The following SEMA5A variants were observed in gnomAD, a reference collection of about 807,000 sequenced individuals.
SEMA5A encodes semaphorin-5A.
Under a neutral mutation model 135.5 loss-of-function variants are expected in SEMA5A, and 55 were observed. The ratio of observed to expected loss-of-function variants is 0.41; its 90% confidence interval spans 0.33 to 0.51. The LOEUF (loss-of-function observed/expected upper bound fraction) is 0.51. SEMA5A is among the 20% of genes least tolerant of loss of function. SEMA5A has a pLI of 0.37. For missense variants in SEMA5A, 1,290 were observed against 1,419.9 expected (o/e 0.91, Z 1.47); for synonymous variants, 580 against 546.5 (o/e 1.06, Z -0.85).
In SEMA5A at chr5:9,051,979, G is replaced by T; in HGVS notation, c.2739C>A (p.Val913=). The T allele has an allele frequency of 6.2e-7, 1 of 1,613,742 alleles. No individual in the cohort carries two copies. The highest frequency in any genetic ancestry group is 2.2e-5 in the East Asian group (1 of 44,860). ...GGATGCACTGGCGGGCGCGGACTTGGACGCCAGAGGCTTCACACTCAGACC... is the reference window on the plus strand; with the variant it reads ...GGATGCACTGGCGGGCGCGGACTTGTACGCCAGAGGCTTCACACTCAGACC... ...SDWSECEASG[V]QVRARQCILL... is the part of the protein sequence containing the mutation. The change falls in exon 20 of 23, where the codon GTC becomes GTA. Residue 913 remains valine, a synonymous_variant. Coordinates refer to ENST00000382496, the MANE Select transcript of SEMA5A (RefSeq NM_003966.3).
intron 13 of SEMA5A, 57 bp downstream of exon 13, chr5:9,136,447 G>T (rs1382200813): frequency 1.4e-6 from 2 of 1,400,432 alleles, no homozygotes; most frequent in East Asian, 4.6e-5. Context: ...AGGATCGCCA[G>T]GGGAGCATGG....
At chr5:9,497,555 T>C (rs746432693) in intron 1 of SEMA5A, among the ~76,000 whole-genome samples, 54 of 152,184 alleles carry the variant, frequency 3.5e-4, no homozygotes, top group Non-Finnish European at 6.9e-4. Context: ...AGGCACTTGA[T>C]AAAGACTGTG....
intron 1 of SEMA5A, among the ~76,000 whole-genome samples, chr5:9,463,066 AAAAAG>A (rs962567376): frequency 6.6e-6 from 1 of 152,310 alleles, no homozygotes; most frequent in African/African-American, 2.4e-5. Flanking sequence ...TAAAAAAAGA[AAAAAG>A]AAAAGAACAA....
At chr5:9,222,168 G>A (rs1170128292) in intron 8 of SEMA5A, among the ~76,000 whole-genome samples, 1 of 152,200 alleles carries the variant, frequency 6.6e-6, no homozygotes, top group Non-Finnish European at 1.5e-5. Flanking sequence ...GGGATGCAAA[G>A]CCTGTGTCCC....
At chr5:9,484,477 G>C (rs1238563722) in intron 1 of SEMA5A, among the ~76,000 whole-genome samples, 1 of 152,104 alleles carries the variant, frequency 6.6e-6, no homozygotes, top group Non-Finnish European at 1.5e-5. Flanking sequence ...GACACTAAAT[G>C]GAAACACTAG....
Position 9,035,294 on chromosome 5 carries a change from C to T in SEMA5A, c.*7603G>A, listed in dbSNP as rs1430882467. ...GATGAATAGGGTTGAGATACAGAAA[C>T]TGTCAATGCACCAAGAGCAGTAAGA... On this transcript the variant is annotated 3_prime_UTR_variant, in exon 23 of 23. Transcript: ENST00000382496. The T allele has an allele frequency of 6.6e-6, 1 of 152,200 alleles. No homozygotes were observed. The highest frequency in any genetic ancestry group is 1.5e-5 in the Non-Finnish European group (1 of 68,042). 9.4% of individuals were successfully genotyped at this position (152,200 alleles called of 1,614,324 possible).
At chr5:9,119,600 T>A (rs1323139570) in intron 14 of SEMA5A, among the ~76,000 whole-genome samples, 1 of 152,204 alleles carries the variant, frequency 6.6e-6, no homozygotes, top group African/African-American at 2.4e-5. Context: ...GAAAATGCTA[T>A]CTTTTAAAAT....
intron 1 of SEMA5A, among the ~76,000 whole-genome samples, chr5:9,471,830 CA>C (rs1759489093): frequency 6.6e-6 from 1 of 152,200 alleles, no homozygotes; most frequent in Non-Finnish European, 1.5e-5. Context: ...AATTTAAATG[CA>C]AACTCATTGC....
intron 10 of SEMA5A, among the ~76,000 whole-genome samples, chr5:9,191,840 A>T (rs879894063): frequency 1.4e-3 from 182 of 127,614 alleles, no homozygotes; most frequent in Middle Eastern, 9.9e-3. Flanking sequence ...CCATGACCCA[A>T]GTGTGAGTTT....
chr5:9,367,077 G>A (rs1397771208), intron 3 of SEMA5A, among the ~76,000 whole-genome samples: 2 of 152,192 alleles, frequency 1.3e-5, no homozygotes, highest in African/African-American at 4.8e-5. Flanking sequence ...TTCGTTAAGT[G>A]ATGCTGGAAG....
chr5:9,308,799 C>T (rs953590423), intron 5 of SEMA5A, among the ~76,000 whole-genome samples: 2 of 152,068 alleles, frequency 1.3e-5, no homozygotes, highest in African/African-American at 2.4e-5. Context: ...GACCTCAACT[C>T]CTCTGCTGTT....
intron 1 of SEMA5A, chr5:9,517,657 G>A (rs1266129692): frequency 2.6e-5 from 4 of 152,172 alleles, no homozygotes; most frequent in Non-Finnish European, 5.9e-5. Flanking sequence ...TAAGAGAAGG[G>A]TTTTAATGTA....
intron 1 of SEMA5A, among the ~76,000 whole-genome samples, chr5:9,455,951 A>G (rs1758818210): frequency 6.6e-6 from 1 of 152,208 alleles, no homozygotes; most frequent in Non-Finnish European, 1.5e-5. Flanking sequence ...CAGGGGACAC[A>G]TTATGGAGAA....
At chr5:9,161,776 C>G (rs1298738982) in intron 11 of SEMA5A, among the ~76,000 whole-genome samples, 1 of 152,236 alleles carries the variant, frequency 6.6e-6, no homozygotes, top group African/African-American at 2.4e-5. Flanking sequence ...ACATATTGAA[C>G]CTTGCCCTAT....
intron 3 of SEMA5A, among the ~76,000 whole-genome samples, chr5:9,367,754 A>G (rs556126996): frequency 4.6e-5 from 7 of 152,310 alleles, no homozygotes; most frequent in Non-Finnish European, 7.4e-5. Flanking sequence ...GTGGTCCCCA[A>G]TGTTGAGGGT....
At position 9,037,518 on chromosome 5, in the gene SEMA5A, C is replaced by T. The variant is rs926311249; in HGVS notation, c.*5379G>A. On this transcript the variant is annotated 3_prime_UTR_variant, in exon 23 of 23. Transcript: ENST00000382496. ...TGCAACAGATGACCACTGAGTATATCTTTGATCTATCTGCTAAAACAATGT... is the reference window on the plus strand; with the variant it reads ...TGCAACAGATGACCACTGAGTATATTTTTGATCTATCTGCTAAAACAATGT... 1 of 152,152 alleles carries T rather than the reference C, an allele frequency of 6.6e-6. No individual in the cohort carries two copies. The highest frequency in any genetic ancestry group is 1.5e-5 in the Non-Finnish European group (1 of 68,034). 9.4% of individuals were successfully genotyped at this position (152,152 alleles called of 1,614,324 possible).
intron 8 of SEMA5A, among the ~76,000 whole-genome samples, chr5:9,216,207 C>T (rs764011122): frequency 5.9e-5 from 9 of 152,190 alleles, no homozygotes; most frequent in Non-Finnish European, 1.0e-4. Flanking sequence ...AGTTTCAACG[C>T]ACTTCTCGAT....
chr5:9,100,675 T>G (rs1408784697), intron 16 of SEMA5A, among the ~76,000 whole-genome samples: 1 of 152,124 alleles, frequency 6.6e-6, no homozygotes, highest in Non-Finnish European at 1.5e-5. Context: ...TCTCAAAATC[T>G]ACTTTAAACA....
intron 3 of SEMA5A, among the ~76,000 whole-genome samples, chr5:9,359,299 A>C (rs1421913293): frequency 6.6e-6 from 1 of 152,200 alleles, no homozygotes; most frequent in Non-Finnish European, 1.5e-5. Flanking sequence ...GCTACATAAA[A>C]GGGGAAAAAT....
Sources: allele counts gnomAD v4.1 joint callset (sites outside exome capture counted in the v4.1 genomes callset), GRCh38; gene constraint gnomAD v4.1.1; transcripts MANE v1.5; gene names NCBI Gene and HGNC (gene_info 2026-07-23, HGNC 2026-07-21).